Variants in MRPS5 observed in about 807,000 individuals in gnomAD.
MRPS5 encodes mitochondrial ribosomal protein S5.
MRPS5 carries 27 observed loss-of-function variants against 51.9 expected under a neutral mutation model. The ratio of observed to expected loss-of-function variants is 0.52; its 90% CI spans 0.38 to 0.72. MRPS5 has a LOEUF of 0.72. Among genes scored for constraint, MRPS5 ranks in the 30% least tolerant of loss-of-function variants. The pLI is 0.00. For missense variants in MRPS5, 570 were observed against 545.7 expected (o/e 1.04, Z -0.44); for synonymous variants, 196 against 193.2 (o/e 1.01, Z -0.12).
Position 95,115,146 on chromosome 2 carries a change from G to A in MRPS5, c.197C>T (p.Ala66Val). 8 of 1,613,028 alleles carry A rather than the reference G, an allele frequency of 5.0e-6. No homozygotes were observed. Among genetic ancestry groups the A allele is most frequent in the Non-Finnish European group, 6.8e-6 (8 of 1,179,762 alleles). Residue 66 changes from alanine to valine, a missense_variant, in exon 3 of 12, where the codon GCA becomes GTA. By Grantham distance (64) the Ala-to-Val change is moderately conservative. Transcript: ENST00000272418. ...DTHPYASLSRALQTQCCISSP... is the reference protein window; with the variant it reads ...DTHPYASLSRVLQTQCCISSP... ...AGAAATACAGCATTGTGTCTGCAGT[G>A]CACGGCTCAAGCTGGCGTAGGGATG...
At position 95,121,748 on chromosome 2, in the gene MRPS5, C is replaced by A; in HGVS notation, c.44G>T (p.Cys15Phe). The A allele has an allele frequency of 6.4e-7, 1 of 1,553,146 alleles. No individual in the cohort carries two copies. The highest frequency in any genetic ancestry group is 8.6e-7 in the Non-Finnish European group (1 of 1,158,430). ...VRAVGCLPVL[C>F]SGTAGHLLGR... ...CCAGCTCTCACCTGCCGTCCCGCTA[C>A]ACAGCACGGGGAGGCAGCCCACAGC... is the stretch of plus-strand genomic sequence containing the variant. The change falls in exon 1 of 12, where the codon TGT (cysteine) becomes TTT (phenylalanine). Residue 15 changes from cysteine (C) to phenylalanine (F), a missense_variant. By Grantham distance (205) the Cys-to-Phe change is radical. Transcript: ENST00000272418.
chr2:95,116,277 A>T (rs1676283398), intron 2 of MRPS5, among the ~76,000 whole-genome samples: 1 of 151,334 alleles, frequency 6.6e-6, no homozygotes, highest in Non-Finnish European at 1.5e-5. Context: ...TTAAATATTT[A>T]ATTATTAACT....
chr2:95,115,783 T>C (rs930305080), intron 2 of MRPS5, among the ~76,000 whole-genome samples: 2 of 152,222 alleles, frequency 1.3e-5, no homozygotes, highest in African/African-American at 4.8e-5. Context: ...CTTAATGAAT[T>C]AGTCAATAAA....
In MRPS5 at chr2:95,085,723, C is replaced by A. The variant is rs1675269912; in HGVS notation, c.*1634G>T. ...GGCAGTAACGAGGCAGTGCCCCATCCCATACCAGCACCGTCAGAGGAAGCA... is the reference window on the plus strand; with the variant it reads ...GGCAGTAACGAGGCAGTGCCCCATCACATACCAGCACCGTCAGAGGAAGCA... On this transcript the variant is annotated 3_prime_UTR_variant, in exon 12 of 12. Coordinates refer to ENST00000272418, the MANE Select transcript of MRPS5 (RefSeq NM_031902.5). 6.6e-6 allele frequency among the ~76,000 whole-genome samples: 1 copy of A among 152,150 alleles called. No homozygotes were observed. The highest frequency in any genetic ancestry group is 2.1e-4 in the South Asian group (1 of 4,828).
At position 95,085,565 on chromosome 2, in the gene MRPS5, A is replaced by C. The variant is rs1675264309; in HGVS notation, c.*1792T>G. Among the ~76,000 whole-genome samples the C allele has an allele frequency of 6.6e-6, 1 of 152,176 alleles. No individual in the cohort carries two copies. On this transcript the variant is annotated 3_prime_UTR_variant, in exon 12 of 12. Coordinates refer to ENST00000272418, the MANE Select transcript of MRPS5 (RefSeq NM_031902.5). ...ACAACGTCACAGGCTGAAAACTTTC[A>C]CCATCCAGCCTAACATGGCCTGCTC...
intron 3 of MRPS5, 128 bp downstream of exon 3, chr2:95,114,938 T>C: frequency 2.4e-6 from 2 of 834,942 alleles, no homozygotes; most frequent in South Asian, 2.7e-5. Context: ...AAGGAACATT[T>C]TCATTTTAAC....
chr2:95,116,140 G>A (rs1247243928), intron 2 of MRPS5, among the ~76,000 whole-genome samples: 2 of 151,624 alleles, frequency 1.3e-5, no homozygotes, highest in East Asian at 1.9e-4. Flanking sequence ...TCCTGACCTC[G>A]TGATCCACCC....
intron 3 of MRPS5, among the ~76,000 whole-genome samples, chr2:95,111,722 T>TATA (rs1262236074): frequency 6.6e-6 from 1 of 152,198 alleles, no homozygotes; most frequent in Non-Finnish European, 1.5e-5. Context: ...GATAAGAATG[T>TATA]ATATTCTGCC....
intron 4 of MRPS5, 65 bp from the exon 5 acceptor site, chr2:95,108,473 C>A: frequency 7.8e-7 from 1 of 1,278,598 alleles, no homozygotes; most frequent in Non-Finnish European, 1.1e-6. Flanking sequence ...GTTAAAATGT[C>A]AGGCAATGCA....
At chr2:95,113,159 G>T (rs1235202926) in intron 3 of MRPS5, among the ~76,000 whole-genome samples, 2 of 151,932 alleles carry the variant, frequency 1.3e-5, no homozygotes, top group Non-Finnish European at 2.9e-5. Flanking sequence ...AGGCTTTTTA[G>T]AACAGGGAAA....
intron 1 of MRPS5, 80 bp downstream of exon 1, chr2:95,121,654 C>G: frequency 6.9e-7 from 1 of 1,453,022 alleles, no homozygotes. Context: ...CTTCCCTCCG[C>G]CCCGACTTCT....
chr2:95,103,028 T>C (rs1675847532), intron 7 of MRPS5, among the ~76,000 whole-genome samples: 1 of 152,156 alleles, frequency 6.6e-6, no homozygotes, highest in Non-Finnish European at 1.5e-5. Context: ...ATGGAAGTCC[T>C]AGAGGAAAAT....
intron 1 of MRPS5, among the ~76,000 whole-genome samples, chr2:95,121,260 T>C (rs1337652008): frequency 2.0e-5 from 3 of 152,242 alleles, no homozygotes; most frequent in Non-Finnish European, 4.4e-5. Context: ...ATTCGGGCTC[T>C]AGGGCTCTTC....
At chr2:95,119,234 C>G (rs1400214525) in intron 1 of MRPS5, among the ~76,000 whole-genome samples, 1 of 152,144 alleles carries the variant, frequency 6.6e-6, no homozygotes, top group Non-Finnish European at 1.5e-5. Context: ...AAAACATATA[C>G]AAATGGCCAT....
At chr2:95,097,203 T>C (rs984951208) in intron 10 of MRPS5, among the ~76,000 whole-genome samples, 2 of 152,168 alleles carry the variant, frequency 1.3e-5, no homozygotes, top group Admixed American at 1.3e-4. Context: ...CACAAACAAA[T>C]GGAAGAACAT....
intron 3 of MRPS5, among the ~76,000 whole-genome samples, chr2:95,111,514 C>T (rs976707488): frequency 6.6e-6 from 1 of 152,070 alleles, no homozygotes; most frequent in Non-Finnish European, 1.5e-5. Flanking sequence ...AAGAGTTTAG[C>T]TCTTTTATAT....
intron 1 of MRPS5, among the ~76,000 whole-genome samples, chr2:95,120,662 G>A (rs1676417366): frequency 6.6e-6 from 1 of 152,160 alleles, no homozygotes; most frequent in African/African-American, 2.4e-5. Flanking sequence ...AAACCTTATT[G>A]TCCACCTAGC....
chr2:95,102,808 C>T (rs1558681010), intron 7 of MRPS5, among the ~76,000 whole-genome samples: 2 of 152,234 alleles, frequency 1.3e-5, no homozygotes, highest in Admixed American at 6.5e-5. Flanking sequence ...GAACACTTCA[C>T]TATGAAATAC....
At chr2:95,111,508 G>A (rs1676115556) in intron 3 of MRPS5, among the ~76,000 whole-genome samples, 2 of 152,088 alleles carry the variant, frequency 1.3e-5, no homozygotes, top group Non-Finnish European at 2.9e-5. Context: ...TGAATTAAGA[G>A]TTTAGCTCTT....
Sources: gnomAD v4.1 joint callset for allele counts (sites outside exome capture counted in the v4.1 genomes callset) on GRCh38, gnomAD v4.1.1 for gene constraint, MANE v1.5 for transcripts, NCBI Gene and HGNC (gene_info 2026-07-23, HGNC 2026-07-21) for gene names.